Variants in CDH18 observed in about 807,000 individuals in gnomAD.
CDH18 encodes the protein cadherin-18.
In CDH18, 31 loss-of-function variants were observed where a neutral mutation model predicts 67.9. The ratio of observed to expected loss-of-function variants is 0.46; its 90% CI spans 0.34 to 0.62. The LOEUF (loss-of-function observed/expected upper bound fraction) is 0.62. CDH18 is among the 20% of genes least tolerant of loss of function. The pLI is 0.01. For synonymous variants in CDH18, 362 were observed against 347.2 expected (o/e 1.04, Z -0.48); for missense variants, 890 against 975.5 (o/e 0.91, Z 1.17).
At chr5:20,310,904 A>G (rs1330728267) in intron 1 of CDH18, among the ~76,000 whole-genome samples, 2 of 152,150 alleles carry the variant, frequency 1.3e-5, no homozygotes, top group Non-Finnish European at 2.9e-5. Context: ...GTAAATCCCC[A>G]TTCTGCAACT....
chr5:20,414,723 C>T (rs1747133913), intron 1 of CDH18, among the ~76,000 whole-genome samples: 1 of 152,246 alleles, frequency 6.6e-6, no homozygotes, highest in African/African-American at 2.4e-5. Flanking sequence ...AAAAGGTGGT[C>T]AACATCACTA....
chr5:20,534,343 A>T (rs1392549367), intron 1 of CDH18, among the ~76,000 whole-genome samples: 1 of 152,094 alleles, frequency 6.6e-6, no homozygotes, highest in Non-Finnish European at 1.5e-5. Flanking sequence ...ATAATCAAAG[A>T]TACTAATTTG....
At chr5:20,235,014 A>G (rs899748368) in intron 2 of CDH18, among the ~76,000 whole-genome samples, 1 of 152,166 alleles carries the variant, frequency 6.6e-6, no homozygotes, top group South Asian at 2.1e-4. Flanking sequence ...GAAGTCCTAT[A>G]TTATAAAATT....
intron 5 of CDH18, among the ~76,000 whole-genome samples, chr5:19,622,285 A>G (rs1750832649): frequency 6.6e-6 from 1 of 152,222 alleles, no homozygotes; most frequent in African/African-American, 2.4e-5. Context: ...TGCTCAGGAT[A>G]CAGTCTTTTG....
At chr5:19,860,958 G>A (rs565988325) in intron 2 of CDH18, among the ~76,000 whole-genome samples, 1 of 152,018 alleles carries the variant, frequency 6.6e-6, no homozygotes, top group African/African-American at 2.4e-5. Context: ...AAAACCAAAA[G>A]TTCATTCCAT....
At chr5:20,523,508 T>C (rs1170873717) in intron 1 of CDH18, among the ~76,000 whole-genome samples, 1 of 152,180 alleles carries the variant, frequency 6.6e-6, no homozygotes, top group East Asian at 1.9e-4. Flanking sequence ...ATTTCTCATA[T>C]GCTGGAATAT....
intron 9 of CDH18, among the ~76,000 whole-genome samples, chr5:19,532,500 C>G (rs536225016): frequency 6.6e-6 from 1 of 152,160 alleles, no homozygotes; most frequent in South Asian, 2.1e-4. Flanking sequence ...TGTGTGAGTG[C>G]CTGGGTTTGT....
chr5:20,419,216 G>T (rs529536007), intron 1 of CDH18, among the ~76,000 whole-genome samples: 2 of 151,968 alleles, frequency 1.3e-5, no homozygotes, highest in Non-Finnish European at 2.9e-5. Flanking sequence ...CAGGAGAGAA[G>T]TGATTTTTGT....
At chr5:19,726,819 C>T (rs555912272) in intron 4 of CDH18, among the ~76,000 whole-genome samples, 1 of 152,234 alleles carries the variant, frequency 6.6e-6, no homozygotes, top group East Asian at 1.9e-4. Context: ...ATCCTAACTT[C>T]TAATGTGACA....
chr5:19,503,607 A>G (rs1396231983), intron 10 of CDH18, among the ~76,000 whole-genome samples: 3 of 152,106 alleles, frequency 2.0e-5, no homozygotes, highest in African/African-American at 7.2e-5. Flanking sequence ...ACAGACGAGG[A>G]GCCTGAATCC....
chr5:20,455,011 G>A (rs977315224), intron 1 of CDH18, among the ~76,000 whole-genome samples: 4 of 151,932 alleles, frequency 2.6e-5, no homozygotes. Context: ...AGAACATGGA[G>A]GGCTCATTGT....
Position 19,856,101 on chromosome 5 carries a change from G to A in CDH18, c.-256-16859C>T, listed in dbSNP as rs12518774. Among the ~76,000 whole-genome samples, 980 of 152,276 alleles carry A rather than the reference G, an allele frequency of 6.4e-3. 29 individuals are homozygous for A. The highest frequency in any genetic ancestry group is 0.043 in the Admixed American group (659 of 15,286). On this transcript the variant is annotated intron_variant, in intron 2 of 12. Coordinates refer to ENST00000382275, the MANE Select transcript of CDH18 (RefSeq NM_004934.5). The stretch of plus-strand genomic sequence containing the variant: ...AAATCATCACATTTCTCAAAAGAAA[G>A]AGCAATAAAAAGTAACTTGAGTCAG...
intron 1 of CDH18, among the ~76,000 whole-genome samples, chr5:20,428,303 C>T (rs1580978323): frequency 6.9e-6 from 1 of 144,682 alleles, no homozygotes. Flanking sequence ...GCATAGTATT[C>T]CATGGTGTAT....
intron 2 of CDH18, among the ~76,000 whole-genome samples, chr5:20,053,993 C>G (rs918015519): frequency 6.6e-6 from 1 of 152,124 alleles, no homozygotes; most frequent in African/African-American, 2.4e-5. Context: ...TCCTACTTCT[C>G]CCTTCCTATC....
intron 1 of CDH18, among the ~76,000 whole-genome samples, chr5:20,453,387 G>A (rs1441467445): frequency 6.6e-6 from 1 of 152,006 alleles, no homozygotes; most frequent in East Asian, 1.9e-4. Flanking sequence ...TTGCCTGATA[G>A]GGCAACTAAC....
chr5:19,920,149 A>C (rs185991841), intron 2 of CDH18, among the ~76,000 whole-genome samples: 1 of 152,354 alleles, frequency 6.6e-6, no homozygotes, highest in East Asian at 1.9e-4. Flanking sequence ...TTTTGTTAAA[A>C]CCTGGTTAAA....
chr5:19,580,360 T>C (rs954306764), intron 7 of CDH18, among the ~76,000 whole-genome samples: 4 of 152,048 alleles, frequency 2.6e-5, no homozygotes, highest in East Asian at 1.9e-4. Flanking sequence ...TCATTAACAG[T>C]TGGTATGGGC....
chr5:20,347,031 C>A (rs1740759000), intron 1 of CDH18, among the ~76,000 whole-genome samples: 1 of 152,052 alleles, frequency 6.6e-6, no homozygotes, highest in South Asian at 2.1e-4. Context: ...GAATTTGGAG[C>A]CAACCATCTA....
At chr5:19,506,682 T>C (rs1744224969) in intron 10 of CDH18, among the ~76,000 whole-genome samples, 1 of 152,196 alleles carries the variant, frequency 6.6e-6, no homozygotes, top group African/African-American at 2.4e-5. Flanking sequence ...TAAATGCTGC[T>C]GGGAAACTGG....
Sources: gnomAD v4.1 joint callset for allele counts (sites outside exome capture counted in the v4.1 genomes callset) on GRCh38, gnomAD v4.1.1 for gene constraint, MANE v1.5 for transcripts, NCBI Gene and HGNC (gene_info 2026-07-23, HGNC 2026-07-21) for gene names.